The following PTPRT variants were observed in gnomAD, a reference collection of about 807,000 sequenced individuals.
PTPRT encodes protein tyrosine phosphatase receptor type T.
PTPRT carries 56 observed loss-of-function variants against 176.8 expected under a neutral mutation model. The observed-to-expected ratio is 0.32, with a 90% CI of 0.26 to 0.40. PTPRT has a LOEUF of 0.40. Among genes scored for constraint, PTPRT ranks in the 10% least tolerant of loss-of-function variants. The probability of loss-of-function intolerance (pLI) is 1.00; values close to 1 mark genes in which losing one functional copy is unlikely to be tolerated. For missense variants in PTPRT, 1,540 were observed against 1,908.2 expected (o/e 0.81, Z 3.60); for synonymous variants, 783 against 739.0 (o/e 1.06, Z -0.96).
intron 13 of PTPRT, among the ~76,000 whole-genome samples, chr20:42,275,092 T>C (rs1335318655): frequency 6.6e-6 from 1 of 152,230 alleles, no homozygotes; most frequent in African/African-American, 2.4e-5. Context: ...CCACTATTTA[T>C]TTAGTGTGTG....
At chr20:42,243,750 G>A (rs776864293) in intron 14 of PTPRT, among the ~76,000 whole-genome samples, 5 of 152,280 alleles carry the variant, frequency 3.3e-5, no homozygotes, top group Non-Finnish European at 7.3e-5. Context: ...GAGACACTGA[G>A]ACTGGGTTTC....
intron 15 of PTPRT, among the ~76,000 whole-genome samples, chr20:42,232,323 G>A (rs1254086247): frequency 6.6e-6 from 1 of 152,180 alleles, no homozygotes; most frequent in African/African-American, 2.4e-5. Context: ...CTATTTTATA[G>A]ATAAGACAAC....
chr20:43,157,055 A>T (rs560417469), intron 1 of PTPRT, among the ~76,000 whole-genome samples: 3 of 151,412 alleles, frequency 2.0e-5, no homozygotes, highest in South Asian at 2.1e-4. Flanking sequence ...CACAGCAATT[A>T]AAAAAAAAGA....
At chr20:42,298,565 T>C (rs2145297531) in intron 12 of PTPRT, among the ~76,000 whole-genome samples, 1 of 152,272 alleles carries the variant, frequency 6.6e-6, no homozygotes, top group Non-Finnish European at 1.5e-5. Context: ...CATTTGCAAC[T>C]GAAAGATATT....
chr20:42,567,526 G>C (rs899138040), intron 7 of PTPRT, among the ~76,000 whole-genome samples: 6 of 152,212 alleles, frequency 3.9e-5, no homozygotes, highest in Non-Finnish European at 7.3e-5. Flanking sequence ...TCACACCCAA[G>C]AGAAGTAACT....
chr20:43,121,521 C>T (rs2013257914), intron 1 of PTPRT, among the ~76,000 whole-genome samples: 1 of 152,202 alleles, frequency 6.6e-6, no homozygotes, highest in African/African-American at 2.4e-5. Flanking sequence ...CTGGTGGATG[C>T]ATACTGAAAT....
At chr20:42,508,987 TTAATTTATAGATATAAATTATA>T (rs2071904823) in intron 7 of PTPRT, among the ~76,000 whole-genome samples, 1 of 127,338 alleles carries the variant, frequency 7.9e-6, no homozygotes, top group African/African-American at 3.0e-5. Flanking sequence ...TAATTTATAT[TTAATTTATAGATATAAATTATA>T]TAATTTATAT....
chr20:42,886,915 G>A (rs1162148823), intron 1 of PTPRT, among the ~76,000 whole-genome samples: 1 of 152,190 alleles, frequency 6.6e-6, no homozygotes, highest in African/African-American at 2.4e-5. Context: ...AGGAGGAATG[G>A]CATTCTGAGT....
At chr20:42,796,579 C>T (rs1287908384) in intron 2 of PTPRT, among the ~76,000 whole-genome samples, 2 of 152,224 alleles carry the variant, frequency 1.3e-5, no homozygotes, top group African/African-American at 2.4e-5. Context: ...CCGTTCCTTG[C>T]CCGAGCTGTA....
At chr20:42,414,211 A>G (rs1283386892) in intron 9 of PTPRT, among the ~76,000 whole-genome samples, 1 of 152,220 alleles carries the variant, frequency 6.6e-6, no homozygotes, top group Non-Finnish European at 1.5e-5. Flanking sequence ...GATATTGACA[A>G]GGGTTTTAAG....
At position 43,112,082 on chromosome 20, in the gene PTPRT, C is replaced by T. The variant is rs116217174; in HGVS notation, c.88+77564G>A. Among the ~76,000 whole-genome samples the T allele has an allele frequency of 5.1e-3, 771 of 152,318 alleles. 5 individuals are homozygous for T. Among genetic ancestry groups the T allele is most frequent in the African/African-American group, 0.017 (718 of 41,556 alleles). ...ATATCCTCATATGTATACAGCAATG[C>T]AACAAAGAAACCCAAATTACCTCTA... On this transcript the variant is annotated intron_variant, in intron 1 of 30. Coordinates refer to ENST00000373187, the MANE Select transcript of PTPRT (RefSeq NM_007050.6).
chr20:42,514,995 C>T (rs1054821678), intron 7 of PTPRT, among the ~76,000 whole-genome samples: 1 of 152,130 alleles, frequency 6.6e-6, no homozygotes. Context: ...TTTTGGATAT[C>T]CTCTTCTGTA....
intron 1 of PTPRT, among the ~76,000 whole-genome samples, chr20:42,907,974 G>A (rs1233167033): frequency 2.6e-5 from 4 of 152,026 alleles, no homozygotes; most frequent in Non-Finnish European, 5.9e-5. Context: ...AAGTTCCTGG[G>A]TACCCCACCA....
rs543652352 is a variant in PTPRT, at chr20:42,431,332, T to C, written c.1560+16888A>G. On this transcript the variant is annotated intron_variant, in intron 9 of 30. Transcript: ENST00000373187. ...TTTCCACCATGATGCAATGCCACCATAAACATGAAGTTTATCATAGTGTTA... is the reference window on the plus strand; with the variant it reads ...TTTCCACCATGATGCAATGCCACCACAAACATGAAGTTTATCATAGTGTTA... 3.1e-4 allele frequency among the ~76,000 whole-genome samples: 47 copies of C among 152,246 alleles called. 1 individual carries two copies. The South Asian group carries it at 8.9e-3, about 29-fold the overall frequency.
At position 42,577,837 on chromosome 20, in the gene PTPRT, C is replaced by CTGTGTGTGTGTG. The variant is rs11468271; in HGVS notation, c.1153+100017_1153+100028dup. Reference sequence around the variant, plus strand: ...GAAAAACCTTCAGACCTGAGCAAGGCTGTGTGTGTGTGTGTGTGTGTGTGT... The same window carrying CTGTGTGTGTGTG: ...GAAAAACCTTCAGACCTGAGCAAGGCTGTGTGTGTGTGTGTGTGTGTGTGTGTGTGTGTGTGT... On this transcript the variant is annotated intron_variant, in intron 7 of 30. Transcript: ENST00000373187. Among the ~76,000 whole-genome samples, 910 of 139,410 alleles carry CTGTGTGTGTGTG rather than the reference C, an allele frequency of 6.5e-3. 19 individuals carry two copies. The highest frequency in any genetic ancestry group is 0.022 in the Middle Eastern group (6 of 272). The allele number at this position is 139,410 out of a possible 152,430, so 91.5% of individuals were successfully genotyped here.
the PTPRT span, among the ~76,000 whole-genome samples, chr20:42,060,144 A>C: frequency 6.6e-6 from 1 of 152,226 alleles, no homozygotes; most frequent in Non-Finnish European, 1.5e-5. Flanking sequence ...TAAAGGGCCC[A>C]AAGAGACCTT....
At chr20:42,843,253 T>TA (rs150578882) in intron 2 of PTPRT, among the ~76,000 whole-genome samples, 2,477 of 152,166 alleles carry the variant, frequency 0.016, 74 homozygotes, top group African/African-American at 0.057. Flanking sequence ...AGGCAGGAGG[T>TA]AAAGAAGCAA....
intron 9 of PTPRT, among the ~76,000 whole-genome samples, chr20:42,376,162 C>T (rs987137308): frequency 6.6e-6 from 1 of 152,072 alleles, no homozygotes; most frequent in African/African-American, 2.4e-5. Context: ...ACGAGCTTGC[C>T]GGATGAAAGA....
intron 1 of PTPRT, among the ~76,000 whole-genome samples, chr20:42,894,565 T>G (rs1203896674): frequency 6.6e-6 from 1 of 150,892 alleles, no homozygotes; most frequent in Non-Finnish European, 1.5e-5. Flanking sequence ...AAATAACAGG[T>G]GGCAAAGCGT....
Sources: gnomAD v4.1 joint callset for allele counts (sites outside exome capture counted in the v4.1 genomes callset) on GRCh38, gnomAD v4.1.1 for gene constraint, MANE v1.5 for transcripts, NCBI Gene and HGNC (gene_info 2026-07-23, HGNC 2026-07-21) for gene names.